The following EIPR1 variants were observed in gnomAD, a reference collection of about 807,000 sequenced individuals.
The protein encoded by EIPR1 is EARP complex and GARP complex interacting protein 1.
A neutral mutation model predicts 48.1 loss-of-function variants in EIPR1; 25 were observed. The ratio of observed to expected loss-of-function variants is 0.52; its 90% CI spans 0.38 to 0.73. EIPR1 has a LOEUF of 0.73. Ranked by LOEUF, EIPR1 falls within the 30% of genes least tolerant of loss-of-function variation. The probability of loss-of-function intolerance (pLI) is 0.00; values close to 1 mark genes in which losing one functional copy is unlikely to be tolerated. For missense variants in EIPR1, 415 were observed against 506.2 expected (o/e 0.82, Z 1.73); for synonymous variants, 204 against 201.9 (o/e 1.01, Z -0.09).
At chr2:3,326,412 C>A (rs1226385122) in intron 3 of EIPR1, among the ~76,000 whole-genome samples, 1 of 152,146 alleles carries the variant, frequency 6.6e-6, no homozygotes, top group Admixed American at 6.5e-5. Flanking sequence ...TGCCCGATAC[C>A]CCTGCAAGAC....
intron 3 of EIPR1, among the ~76,000 whole-genome samples, chr2:3,299,315 C>G (rs1199346764): frequency 7.9e-5 from 12 of 151,888 alleles, no homozygotes; most frequent in Non-Finnish European, 1.2e-4. Flanking sequence ...GGCCCTGGGT[C>G]AGCTCACTGT....
chr2:3,222,917 G>A (rs1006679062), intron 4 of EIPR1, among the ~76,000 whole-genome samples: 1 of 152,176 alleles, frequency 6.6e-6, no homozygotes, highest in Non-Finnish European at 1.5e-5. Flanking sequence ...GAGTAGTGAC[G>A]GGCGGTTCCC....
At chr2:3,310,394 C>T (rs1016203192) in intron 3 of EIPR1, among the ~76,000 whole-genome samples, 1 of 151,716 alleles carries the variant, frequency 6.6e-6, no homozygotes, top group African/African-American at 2.4e-5. Context: ...TGGCTCACGC[C>T]TGTAATCCCA....
intron 4 of EIPR1, among the ~76,000 whole-genome samples, chr2:3,230,390 C>T (rs1321244861): frequency 6.6e-6 from 1 of 152,158 alleles, no homozygotes. Flanking sequence ...AGACACGCTG[C>T]AGCTGAAGGG....
chr2:3,330,798 TGGTGTG>T (rs1669867587), intron 3 of EIPR1, among the ~76,000 whole-genome samples: 1 of 135,000 alleles, frequency 7.4e-6, no homozygotes, highest in African/African-American at 2.8e-5. Flanking sequence ...CTCACGAGAA[TGGTGTG>T]AGCAGAGACA....
chr2:3,199,061 G>GC (rs1334678710), intron 5 of EIPR1, among the ~76,000 whole-genome samples: 286 of 22,576 alleles, frequency 0.013, 44 homozygotes, highest in South Asian at 0.023. Flanking sequence ...ATTTTAGAGG[G>GC]CCCCCCCCCC....
intron 3 of EIPR1, among the ~76,000 whole-genome samples, chr2:3,278,947 G>A (rs558950529): frequency 5.2e-4 from 79 of 152,278 alleles, no homozygotes; most frequent in Non-Finnish European, 1.0e-3. Context: ...TGGTTGATAC[G>A]TGAGTTCACC....
At chr2:3,318,839 A>G in intron 3 of EIPR1, 1 of 470,808 alleles carries the variant, frequency 2.1e-6, no homozygotes, top group Non-Finnish European at 4.4e-6. Flanking sequence ...TTGTTTACAT[A>G]AACACCTTTG....
At chr2:3,218,053 C>G (rs1242628496) in intron 4 of EIPR1, among the ~76,000 whole-genome samples, 2 of 151,720 alleles carry the variant, frequency 1.3e-5, no homozygotes, top group Non-Finnish European at 2.9e-5. Flanking sequence ...AGAGCATTCA[C>G]AGTGAGTCAG....
At chr2:3,272,116 C>T in intron 3 of EIPR1, among the ~76,000 whole-genome samples, 1 of 152,246 alleles carries the variant, frequency 6.6e-6, no homozygotes, top group Non-Finnish European at 1.5e-5. Context: ...AGCTTTCTCA[C>T]TCCTCTCAGC....
At chr2:3,242,047 G>A (rs1422430189) in intron 4 of EIPR1, among the ~76,000 whole-genome samples, 1 of 152,168 alleles carries the variant, frequency 6.6e-6, no homozygotes, top group Non-Finnish European at 1.5e-5. Context: ...ATGGGAAGGG[G>A]AGGTACCAGG....
chr2:3,327,871 T>TA (rs1669746826), intron 3 of EIPR1, among the ~76,000 whole-genome samples: 1 of 152,056 alleles, frequency 6.6e-6, no homozygotes, highest in African/African-American at 2.4e-5. Context: ...ATTTTTTTTT[T>TA]CTTTTTGAGA....
chr2:3,353,257 A>G (rs1373207995), intron 2 of EIPR1: 1 of 471,060 alleles, frequency 2.1e-6, no homozygotes, highest in Non-Finnish European at 4.4e-6. Flanking sequence ...CCCTGTGAAA[A>G]GCATCTGAAG....
chr2:3,277,559 C>G (rs1232858329), intron 3 of EIPR1, among the ~76,000 whole-genome samples: 2 of 152,208 alleles, frequency 1.3e-5, no homozygotes, highest in African/African-American at 4.8e-5. Flanking sequence ...CTCACTTACC[C>G]GGTGAACAAC....
intron 4 of EIPR1, among the ~76,000 whole-genome samples, chr2:3,257,041 GCAGGTCCCCA>G (rs1667178388): frequency 6.6e-6 from 1 of 152,176 alleles, no homozygotes; most frequent in Non-Finnish European, 1.5e-5. Context: ...TTACCCTCTG[GCAGGTCCCCA>G]CGGGCAACAC....
chr2:3,227,571 T>C (rs1364392455), intron 4 of EIPR1, among the ~76,000 whole-genome samples: 1 of 152,242 alleles, frequency 6.6e-6, no homozygotes, highest in Non-Finnish European at 1.5e-5. Flanking sequence ...TCAAGCCTGC[T>C]GCAGAAATTT....
At chr2:3,376,274 G>C (rs1659879853) in intron 1 of EIPR1, among the ~76,000 whole-genome samples, 1 of 152,068 alleles carries the variant, frequency 6.6e-6, no homozygotes, top group Non-Finnish European at 1.5e-5. Context: ...TATTTTATTG[G>C]CAAGGAAACC....
intron 1 of EIPR1, among the ~76,000 whole-genome samples, chr2:3,374,274 C>G (rs1393791052): frequency 6.6e-6 from 1 of 152,084 alleles, no homozygotes; most frequent in African/African-American, 2.4e-5. Flanking sequence ...ACCATAAGAA[C>G]CCTAGAAGAA....
intron 3 of EIPR1, among the ~76,000 whole-genome samples, chr2:3,333,865 A>G (rs1669968532): frequency 6.6e-6 from 1 of 152,076 alleles, no homozygotes; most frequent in Non-Finnish European, 1.5e-5. Context: ...GCTCCTAACA[A>G]CTCACGCCAG....
Sources: allele counts gnomAD v4.1 joint callset (sites outside exome capture counted in the v4.1 genomes callset), GRCh38; gene constraint gnomAD v4.1.1; transcripts MANE v1.5; gene names NCBI Gene and HGNC (gene_info 2026-07-23, HGNC 2026-07-21).